Variants in HTT observed in about 807,000 individuals in gnomAD.
The protein encoded by HTT is huntingtin.
A neutral mutation model predicts 362.3 loss-of-function variants in HTT; 104 were observed. The ratio of observed to expected loss-of-function variants is 0.29; its 90% CI spans 0.24 to 0.34. The LOEUF is 0.34. Among genes scored for constraint, HTT ranks in the 10% least tolerant of loss-of-function variants. HTT has a pLI of 1.00. For missense variants in HTT, 3,301 were observed against 3,928.6 expected, an observed-to-expected ratio of 0.84 and a Z score of 4.27; for synonymous variants, 1,577 against 1,548.7, an observed-to-expected ratio of 1.02 and a Z score of -0.43.
intron 9 of HTT, 68 bp downstream of exon 9, chr4:3,121,500 A>G: frequency 9.4e-7 from 1 of 1,067,142 alleles, no homozygotes; most frequent in Non-Finnish European, 1.4e-6. Flanking sequence ...TCTATTGATT[A>G]TGGGCCTGCC....
intron 42 of HTT, among the ~76,000 whole-genome samples, chr4:3,205,301 A>C (rs1400157899): frequency 6.6e-6 from 1 of 152,180 alleles, no homozygotes; most frequent in African/African-American, 2.4e-5. Context: ...CAAACATGGT[A>C]TCTTATAGAT....
At chr4:3,151,137 G>A (rs1433572637) in intron 26 of HTT, among the ~76,000 whole-genome samples, 1 of 152,158 alleles carries the variant, frequency 6.6e-6, no homozygotes, top group Non-Finnish European at 1.5e-5. Flanking sequence ...GCCAGTGGTG[G>A]CATTAGATTC....
chr4:3,116,007 C>G, intron 7 of HTT, 78 bp from the exon 8 acceptor site: 3 of 1,339,154 alleles, frequency 2.2e-6, no homozygotes, highest in Middle Eastern at 2.6e-4. Context: ...CTCAGGATCT[C>G]TTCTTTTTTA....
intron 46 of HTT, among the ~76,000 whole-genome samples, chr4:3,209,159 G>A (rs762760321): frequency 5.3e-5 from 8 of 152,164 alleles, no homozygotes; most frequent in Non-Finnish European, 1.0e-4. Context: ...AGGAATAGTC[G>A]GCCGTGGCCT....
intron 2 of HTT, among the ~76,000 whole-genome samples, chr4:3,094,488 C>T (rs1159640492): frequency 2.0e-5 from 3 of 150,204 alleles, no homozygotes; most frequent in African/African-American, 2.4e-5. Context: ...CCAGATGGGG[C>T]GGCCGGGCAG....
At chr4:3,234,864 C>T (rs970321843) in intron 61 of HTT, among the ~76,000 whole-genome samples, 4 of 152,288 alleles carry the variant, frequency 2.6e-5, no homozygotes, top group African/African-American at 7.2e-5. Context: ...GGAAGGCCGG[C>T]GCTGTCGGGG....
chr4:3,238,177 T>C (rs993441228), intron 64 of HTT, among the ~76,000 whole-genome samples: 4 of 152,018 alleles, frequency 2.6e-5, no homozygotes, highest in South Asian at 4.2e-4. Flanking sequence ...CCCTACAGGG[T>C]GTGGGAGCCC....
chr4:3,087,478 A>G (rs370951751), intron 2 of HTT, among the ~76,000 whole-genome samples: 1 of 152,120 alleles, frequency 6.6e-6, no homozygotes, highest in African/African-American at 2.4e-5. Flanking sequence ...ATTAGTGGGG[A>G]TCGTGGGGCA....
chr4:3,200,101 C>A (rs1468212703), intron 41 of HTT, among the ~76,000 whole-genome samples, 162 bp downstream of exon 41: 1 of 152,188 alleles, frequency 6.6e-6, no homozygotes, highest in Non-Finnish European at 1.5e-5. Context: ...TCATGGACAG[C>A]ATATTATTGG....
intron 1 of HTT, among the ~76,000 whole-genome samples, chr4:3,085,018 GAAAA>G (rs551509828): frequency 6.7e-6 from 1 of 148,632 alleles, no homozygotes; most frequent in East Asian, 2.0e-4. Flanking sequence ...CGTCTCGGGG[GAAAA>G]AAAAAAATAA....
intron 21 of HTT, 98 bp from the exon 22 acceptor site, chr4:3,140,412 C>T: frequency 3.0e-6 from 3 of 997,736 alleles, no homozygotes; most frequent in Non-Finnish European, 4.6e-6. Context: ...CGCTGGTAAC[C>T]AGAGGTGTTG....
intron 41 of HTT, among the ~76,000 whole-genome samples, chr4:3,200,673 G>A (rs1173001119): frequency 6.6e-6 from 1 of 152,148 alleles, no homozygotes; most frequent in Admixed American, 6.5e-5. Context: ...GTGCTGCCAG[G>A]GCTCCCAGTA....
intron 8 of HTT, among the ~76,000 whole-genome samples, chr4:3,118,633 G>A (rs1027946290): frequency 4.6e-5 from 7 of 152,146 alleles, no homozygotes; most frequent in Non-Finnish European, 8.8e-5. Context: ...CAAGAGTGCT[G>A]GTTACGGAGG....
chr4:3,161,788 A>G (rs1433705829), intron 29 of HTT, among the ~76,000 whole-genome samples: 1 of 151,928 alleles, frequency 6.6e-6, no homozygotes, highest in Non-Finnish European at 1.5e-5. Flanking sequence ...TTTTTCGTAA[A>G]TTTGTTTAAG....
Position 3,154,427 on chromosome 4 carries a change from A to C in HTT, c.3625+8A>C. On this transcript the variant is annotated splice_region_variant and intron_variant, in intron 27 of 66. Coordinates refer to ENST00000355072, the MANE Select transcript of HTT (RefSeq NM_001388492.1). ...GCAGTGAGGCCAGTGCAGGTAGGAA[A>C]CAGCGTGGGGAAGGGAGGGACATGA... The C allele has an allele frequency of 6.2e-7, 1 of 1,613,290 alleles. No individual in the cohort carries two copies.
intron 44 of HTT, 24 bp from the exon 45 acceptor site, chr4:3,207,257 C>T: frequency 1.2e-6 from 2 of 1,604,662 alleles, no homozygotes; most frequent in Non-Finnish European, 1.7e-6. Context: ...GTTACAAACA[C>T]ACTAATGTGT....
At position 3,214,070 on chromosome 4, in the gene HTT, C is replaced by T; in HGVS notation, c.6887C>T (p.Ser2296Phe). The T allele has an allele frequency of 6.2e-7, 1 of 1,607,628 alleles. No homozygotes were observed. The highest frequency in any genetic ancestry group is 8.5e-7 in the Non-Finnish European group (1 of 1,176,604). The change falls in exon 50 of 67, where the codon TCC becomes TTC. Residue 2296 changes from serine to phenylalanine, a missense_variant. Coordinates refer to ENST00000355072, the MANE Select transcript of HTT (RefSeq NM_001388492.1). The part of the protein sequence containing the change: ...LQLPGLWSVV[S>F]STEFVTHACS... The stretch of plus-strand genomic sequence containing the variant: ...CTGCCTGGCCTCTGGAGCGTGGTCT[C>T]CTCCACAGAGTTTGTGACCCACGCC...
Position 3,105,445 on chromosome 4 carries a change from T to TAC in HTT, c.608+12_608+13dup, listed in dbSNP as rs763331695. ...CGGCCTCAGAAATGCAGGTAAGTTG[T>TAC]ACACTCTGGATGTTGGTTTTTGTCG... On this transcript the variant is annotated intron_variant, in intron 5 of 66. Transcript: ENST00000355072. 3.1e-6 allele frequency: 5 copies of TAC among 1,595,322 alleles called. No individual in the cohort carries two copies. The South Asian group carries it at 4.4e-5, about 14-fold the overall frequency.
At position 3,224,125 on chromosome 4, in the gene HTT, A is replaced by G. The variant is rs1384262179; in HGVS notation, c.7759A>G (p.Thr2587Ala). 3.7e-6 allele frequency: 6 copies of G among 1,614,002 alleles called. No homozygotes were observed. The highest frequency in any genetic ancestry group is 2.2e-5 in the East Asian group (1 of 44,880). The change falls in exon 56 of 67, where the codon ACT becomes GCT. Residue 2587 changes from threonine to alanine, a missense_variant. Around this residue, in one of 4 missense-constraint regions of HTT, gnomAD observed 753 missense variants for 1,021.3 expected, o/e 0.74. Transcript: ENST00000355072. ...WDPVPSLSPA[T>A]TGALISHEKL... ...TCCTGTCCCTTCTCTGTCTCCGGCT[A>G]CTACAGGTACCTGAGGGAAAGGGTG...
Sources: allele counts gnomAD v4.1 joint callset (sites outside exome capture counted in the v4.1 genomes callset), GRCh38; gene constraint gnomAD v4.1.1; regional missense constraint gnomAD v4.1.1; transcripts MANE v1.5; gene names NCBI Gene and HGNC (gene_info 2026-07-23, HGNC 2026-07-21).